Variants in NAGK observed in about 807,000 individuals in gnomAD.
NAGK encodes N-acetylglucosamine kinase, also known as N-acetyl-D-glucosamine kinase.
NAGK carries 35 observed loss-of-function variants against 42.9 expected under a neutral mutation model. That is an observed-to-expected ratio of 0.82 (90% CI 0.62 to 1.08). The LOEUF (loss-of-function observed/expected upper bound fraction) is 1.08, where lower values mean the gene tolerates loss of function less well. Among genes scored for constraint, NAGK ranks in the 50% least tolerant of loss-of-function variants. The pLI, the probability that NAGK is intolerant of heterozygous loss-of-function variation, is 0.00. For synonymous variants in NAGK, 172 were observed against 176.0 expected, an observed-to-expected ratio of 0.98 and a Z score of 0.18; for missense variants, 446 against 446.0, an observed-to-expected ratio of 1.00 and a Z score of 0.00.
chr2:71,075,258 G>GAA, intron 6 of NAGK: 34 of 234,644 alleles, frequency 1.4e-4, no homozygotes, highest in East Asian at 2.5e-4. Context: ...CCCTAAAAAG[G>GAA]AAAAAAAAAA....
chr2:71,071,493 C>A (rs1383946210), intron 3 of NAGK, 193 bp from the exon 4 acceptor site: 5 of 708,546 alleles, frequency 7.1e-6, no homozygotes, highest in African/African-American at 3.6e-5. Flanking sequence ...TTCTGTCCAT[C>A]CCCAGTCCAG....
At position 71,073,371 on chromosome 2, in the gene NAGK, C is replaced by A. The variant is rs573175814; in HGVS notation, c.467-111C>A. ...CACCCCTGGCTGGGAATCAGGAAAC[C>A]TAATTTGTATAAAATTCAAGCAGAT... is the stretch of plus-strand genomic sequence containing the variant. On this transcript the variant is annotated intron_variant, in intron 5 of 9. Coordinates refer to ENST00000244204, the MANE Select transcript of NAGK (RefSeq NM_017567.6). 31 of 679,354 alleles carry A rather than the reference C, an allele frequency of 4.6e-5. No homozygotes were observed. The African/African-American group carries it at 5.2e-4, about 11-fold the overall frequency. The allele number at this position is 679,354 out of a possible 1,614,324, so 42.1% of individuals were successfully genotyped here.
At position 71,078,472 on chromosome 2, in the gene NAGK, C is replaced by A. The variant is rs1352913836; in HGVS notation, c.999C>A (p.Ala333=). Residue 333 remains alanine (A), a synonymous_variant, in exon 10 of 10, where the codon GCC becomes GCA. Transcript: ENST00000244204. The stretch of plus-strand genomic sequence containing the variant: ...ACCTCCTCCCCATGGACTATAGCGC[C>A]AATGCCATTGCCTTCTATTCCTACA... ...IGHLLPMDYS[A]NAIAFYSYTF... 3 of 1,599,498 alleles carry A rather than the reference C, an allele frequency of 1.9e-6. No homozygotes were observed. In the Admixed American group the frequency reaches 5.2e-5, roughly 28 times the overall value.
At chr2:71,077,709 T>C (rs1029670456) in intron 9 of NAGK, 73 bp downstream of exon 9, 68 of 1,515,906 alleles carry the variant, frequency 4.5e-5, no homozygotes, top group Non-Finnish European at 9.8e-6. Context: ...AGGAAAGCTT[T>C]TTGCCCCAGA....
At chr2:71,072,786 G>T (rs748405026) in intron 5 of NAGK, 35 bp downstream of exon 5, 2 of 1,563,410 alleles carry the variant, frequency 1.3e-6, no homozygotes, top group East Asian at 2.3e-5. Flanking sequence ...CCAGGTCCTG[G>T]ATCTGCTCCT....
rs529879313 is a variant in NAGK, at chr2:71,079,287, C to T, written c.*779C>T. 1 of 152,210 alleles carries T rather than the reference C, an allele frequency of 6.6e-6. No homozygotes were observed. Among genetic ancestry groups the T allele is most frequent in the East Asian group, 1.9e-4 (1 of 5,190 alleles). The allele number at this position is 152,210 out of a possible 1,614,324, so 9.4% of individuals were successfully genotyped here. A position where few individuals can be genotyped will look rare whatever the true frequency, so the allele number is the denominator to read the frequency against. ...CAGTGAAGAGCAGACATGATTCCTGCCCTCTGGGTACCATAGTTCAGCCAG... is the reference window on the plus strand; with the variant it reads ...CAGTGAAGAGCAGACATGATTCCTGTCCTCTGGGTACCATAGTTCAGCCAG... On this transcript the variant is annotated 3_prime_UTR_variant, in exon 10 of 10. Coordinates refer to ENST00000244204, the MANE Select transcript of NAGK (RefSeq NM_017567.6).
rs763504793 is a variant in NAGK, at chr2:71,070,736, G to A, written c.115-5G>A. 1 of 1,614,178 alleles carries A rather than the reference G, an allele frequency of 6.2e-7. No individual in the cohort carries two copies. The highest frequency in any genetic ancestry group is 8.5e-7 in the Non-Finnish European group (1 of 1,180,022). Reference sequence around the variant, plus strand: ...GTAACTCCTTCTTCCCTTGATTGGGGCCAGCTGATCGGGACAGACAAGTGT... The same window carrying A: ...GTAACTCCTTCTTCCCTTGATTGGGACCAGCTGATCGGGACAGACAAGTGT... On this transcript the variant is annotated splice_polypyrimidine_tract_variant and splice_region_variant and intron_variant, in intron 2 of 9. Transcript: ENST00000244204.
In NAGK at chr2:71,075,584, C is replaced by T. The variant is rs772332465; in HGVS notation, c.609C>T (p.His203=). The T allele has an allele frequency of 2.5e-6, 4 of 1,614,122 alleles. No homozygotes were observed. Among genetic ancestry groups the T allele is most frequent in the South Asian group, 1.1e-5 (1 of 91,080 alleles). The change falls in exon 7 of 10, where the codon CAC becomes CAT. Residue 203 remains histidine (H), a synonymous_variant. Coordinates refer to ENST00000244204, the MANE Select transcript of NAGK (RefSeq NM_017567.6). ...CAGATCGGCTAGGGATACTCACTCA[C>T]CTGTATAGGGACTTTGATAAATGCA... The part of the protein sequence containing the change: ...QVPDRLGILT[H]LYRDFDKCRF...
At position 71,078,385 on chromosome 2, in the gene NAGK, G is replaced by A. The variant is rs756038041; in HGVS notation, c.912G>A (p.Leu304=). The change falls in exon 10 of 10, where the codon CTG becomes CTA. Residue 304 remains leucine, a synonymous_variant. Coordinates refer to ENST00000244204, the MANE Select transcript of NAGK (RefSeq NM_017567.6). ...QAQNFFSSFT[L]MKLRHSSALG... ...AGAACTTCTTCTCCAGCTTCACCCT[G>A]ATGAAGCTGAGGCACTCCTCCGCTC... 43 of 1,614,190 alleles carry A rather than the reference G, an allele frequency of 2.7e-5. 2 individuals carry two copies. The South Asian group carries it at 4.2e-4, about 16-fold the overall frequency.
intron 1 of NAGK, chr2:71,070,250 C>G: frequency 2.5e-6 from 1 of 394,212 alleles, no homozygotes. Flanking sequence ...GAAAAGGTTT[C>G]GAGGACTAGG....
At position 71,073,543 on chromosome 2, in the gene NAGK, G is replaced by T. The variant is rs144974375; in HGVS notation, c.528G>T (p.Ala176=). ...IVFDSIDNLE[A]APHDIGYVKQ... ...TTGACTCCATTGACAACCTAGAGGCGGCTCCTCATGATATCGGCTACGTCA... is the reference window on the plus strand; with the variant it reads ...TTGACTCCATTGACAACCTAGAGGCTGCTCCTCATGATATCGGCTACGTCA... The change falls in exon 6 of 10, where the codon GCG becomes GCT. Residue 176 remains alanine, a synonymous_variant. Coordinates refer to ENST00000244204, the MANE Select transcript of NAGK (RefSeq NM_017567.6). 3 of 1,614,068 alleles carry T rather than the reference G, an allele frequency of 1.9e-6. No individual in the cohort carries two copies. In the South Asian group the frequency reaches 3.3e-5, roughly 18 times the overall value.
intron 2 of NAGK, 59 bp from the exon 3 acceptor site, chr2:71,070,682 T>G: frequency 6.2e-7 from 1 of 1,610,268 alleles, no homozygotes; most frequent in Admixed American, 1.7e-5. Context: ...GAGCAGCCTG[T>G]GGGGGCAACA....
At chr2:71,068,644 A>G (rs763881324), upstream of NAGK, 34 of 1,522,742 alleles carry the variant, frequency 2.2e-5, no homozygotes, top group South Asian at 3.8e-4. Context: ...AGGCGGGGAG[A>G]GACGCAAACG....
intron 4 of NAGK, 28 bp downstream of exon 4, chr2:71,071,855 T>C (rs1572977166): frequency 6.2e-7 from 1 of 1,611,004 alleles, no homozygotes; most frequent in Non-Finnish European, 8.5e-7. Flanking sequence ...GGGGTGAGAG[T>C]GAGAACTGGT....
Position 71,076,719 on chromosome 2 carries a change from T to G in NAGK, c.765+18T>G. ...TTGACCCGGTGAGTTGAGGTGGGAG[T>G]GAAGGTGGGGAGCTGCTGGGTGAGG... is the stretch of plus-strand genomic sequence containing the variant. On this transcript the variant is annotated intron_variant, in intron 8 of 9. Coordinates refer to ENST00000244204, the MANE Select transcript of NAGK (RefSeq NM_017567.6). The G allele has an allele frequency of 6.2e-7, 1 of 1,604,688 alleles. No homozygotes were observed. Among genetic ancestry groups the G allele is most frequent in the Non-Finnish European group, 8.5e-7 (1 of 1,172,554 alleles).
At chr2:71,073,187 T>C (rs1672085078) in intron 5 of NAGK, 1 of 511,392 alleles carries the variant, frequency 2.0e-6, no homozygotes, top group African/African-American at 1.9e-5. Flanking sequence ...GTGACTCCGG[T>C]GGTATTTGTG....
At position 71,075,549 on chromosome 2, in the gene NAGK, T is replaced by A. The variant is rs773324780; in HGVS notation, c.580-6T>A. 1.2e-6 allele frequency: 2 copies of A among 1,609,866 alleles called. No individual in the cohort carries two copies. The highest frequency in any genetic ancestry group is 3.3e-5 in the Admixed American group (2 of 60,010). Reference sequence around the variant, plus strand: ...GATGACTCTCTTGTGCCCTTTCTCCTCTCAGGTGCCAGATCGGCTAGGGAT... The same window carrying A: ...GATGACTCTCTTGTGCCCTTTCTCCACTCAGGTGCCAGATCGGCTAGGGAT... On this transcript the variant is annotated splice_region_variant and splice_polypyrimidine_tract_variant and intron_variant, in intron 6 of 9. Coordinates refer to ENST00000244204, the MANE Select transcript of NAGK (RefSeq NM_017567.6).
intron 1 of NAGK, 149 bp downstream of exon 1, chr2:71,068,861 C>A: frequency 7.3e-7 from 1 of 1,372,678 alleles, no homozygotes; most frequent in Non-Finnish European, 9.4e-7. Context: ...CGCGCAGGGG[C>A]GCCCTGGAGC....
In NAGK at chr2:71,074,689, C is replaced by T. The variant is rs181347337; in HGVS notation, c.580-866C>T. 1.1e-3 allele frequency: 162 copies of T among 152,282 alleles called. 1 individual carries two copies. The highest frequency in any genetic ancestry group is 2.0e-3 in the Non-Finnish European group (138 of 68,074). The allele number at this position is 152,282 out of a possible 1,614,324, so 9.4% of individuals were successfully genotyped here. A position where few individuals can be genotyped will look rare whatever the true frequency, so the allele number is the denominator to read the frequency against. On this transcript the variant is annotated intron_variant, in intron 6 of 9. Transcript: ENST00000244204. ...CAGCACTTTGAGAGGCCAAGGTGGGCGGATCACTTGAGGTCAGGTGTTCAA... is the reference window on the plus strand; with the variant it reads ...CAGCACTTTGAGAGGCCAAGGTGGGTGGATCACTTGAGGTCAGGTGTTCAA...
Sources: gnomAD v4.1 joint callset for allele counts on GRCh38, gnomAD v4.1.1 for gene constraint, MANE v1.5 for transcripts, NCBI Gene and HGNC (gene_info 2026-07-23, HGNC 2026-07-21) for gene names.